Variants in CACNA1C observed in about 807,000 individuals in gnomAD.
The protein encoded by CACNA1C is voltage-dependent L-type calcium channel subunit alpha-1C.
In CACNA1C, 30 loss-of-function variants were observed where a neutral mutation model predicts 229.0. That is an observed-to-expected ratio of 0.13 (90% CI 0.10 to 0.18). The LOEUF is 0.18. Among genes scored for constraint, CACNA1C ranks in the 10% least tolerant of loss-of-function variants. The probability of loss-of-function intolerance (pLI) is 1.00; values close to 1 mark genes in which losing one functional copy is unlikely to be tolerated. For synonymous variants in CACNA1C, 1,114 were observed against 1,132.5 expected (o/e 0.98, Z 0.33); for missense variants, 1,658 against 2,845.0 (o/e 0.58, Z 9.49).
chr12:2,375,479 A>G (rs2098025063), intron 3 of CACNA1C, among the ~76,000 whole-genome samples: 2 of 152,180 alleles, frequency 1.3e-5, no homozygotes, highest in South Asian at 4.1e-4. Flanking sequence ...CTGAACACCA[A>G]GTGAAGGAGT....
At chr12:2,496,711 T>C (rs1027570882) in intron 7 of CACNA1C, among the ~76,000 whole-genome samples, 5 of 152,248 alleles carry the variant, frequency 3.3e-5, no homozygotes, top group Admixed American at 6.5e-5. Flanking sequence ...ATGCATTGCA[T>C]TGAGGCTCCA....
At chr12:2,338,855 C>T (rs138158107) in intron 3 of CACNA1C, among the ~76,000 whole-genome samples, 140 of 152,148 alleles carry the variant, frequency 9.2e-4, no homozygotes, top group African/African-American at 3.1e-3. Flanking sequence ...CAACACACCC[C>T]CAAGTTGAGC....
chr12:2,490,133 G>A (rs1049596149), intron 6 of CACNA1C, among the ~76,000 whole-genome samples: 6 of 152,260 alleles, frequency 3.9e-5, no homozygotes, highest in South Asian at 2.1e-4. Flanking sequence ...TGTTCAAATC[G>A]GATTTTAAAT....
intron 3 of CACNA1C, among the ~76,000 whole-genome samples, chr12:2,434,687 C>T (rs2099117300): frequency 6.6e-6 from 1 of 152,176 alleles, no homozygotes; most frequent in Admixed American, 6.5e-5. Flanking sequence ...CACTGGCCAG[C>T]CCACACTTTG....
At chr12:2,254,407 G>A (rs1009602604) in intron 3 of CACNA1C, among the ~76,000 whole-genome samples, 3 of 152,190 alleles carry the variant, frequency 2.0e-5, no homozygotes, top group African/African-American at 7.2e-5. Flanking sequence ...ACTCCAGTCT[G>A]TTGTTTTGAG....
intron 3 of CACNA1C, among the ~76,000 whole-genome samples, chr12:2,121,608 G>A (rs991866769): frequency 2.6e-5 from 4 of 152,218 alleles, no homozygotes; most frequent in African/African-American, 4.8e-5. Flanking sequence ...ACACCACTGA[G>A]TGATGGCATG....
At chr12:2,397,490 C>T (rs552468870) in intron 3 of CACNA1C, among the ~76,000 whole-genome samples, 5 of 152,212 alleles carry the variant, frequency 3.3e-5, no homozygotes, top group East Asian at 1.9e-4. Flanking sequence ...ACACACGTGC[C>T]GCGGAGGCGG....
chr12:2,682,060 G>T, intron 42 of CACNA1C: 1 of 1,517,092 alleles, frequency 6.6e-7, no homozygotes, highest in South Asian at 1.1e-5. Context: ...TCTAGGTGAG[G>T]CTTCCTCTCT....
rs1365657584 is a variant in CACNA1C, at chr12:2,691,398, G to A, written c.*199G>A. The stretch of plus-strand genomic sequence containing the variant: ...GCGCCCGGCTGCGTCTGCAGAGGCG[G>A]GGAGAGGAGGCGGCGAGGGTCCCGG... On this transcript the variant is annotated 3_prime_UTR_variant, in exon 47 of 47. Coordinates refer to ENST00000399655, the MANE Select transcript of CACNA1C (RefSeq NM_000719.7). 2 of 507,486 alleles carry A rather than the reference G, an allele frequency of 3.9e-6. No individual in the cohort carries two copies. Among genetic ancestry groups the A allele is most frequent in the Non-Finnish European group, 6.2e-6 (2 of 321,768 alleles). The allele number at this position is 507,486 out of a possible 1,614,324, so 31.4% of individuals were successfully genotyped here. A position where few individuals can be genotyped will look rare whatever the true frequency, so the allele number is the denominator to read the frequency against.
At chr12:2,224,503 C>CT (rs1801533431) in intron 3 of CACNA1C, among the ~76,000 whole-genome samples, 1 of 152,218 alleles carries the variant, frequency 6.6e-6, no homozygotes, top group African/African-American at 2.4e-5. Flanking sequence ...AGCCCCTGTT[C>CT]TGCTCCACCC....
At chr12:2,547,485 G>GGGAAGT (rs1436181859) in intron 9 of CACNA1C, 3 of 779,728 alleles carry the variant, frequency 3.8e-6, no homozygotes, top group Non-Finnish European at 7.2e-6. Context: ...TCAGAAGAAA[G>GGGAAGT]GGAAGTTTGC....
At chr12:2,031,763 A>G (rs979594074) in intron 1 of CACNA1C, among the ~76,000 whole-genome samples, 1 of 152,132 alleles carries the variant, frequency 6.6e-6, no homozygotes, top group African/African-American at 2.4e-5. Flanking sequence ...ACCATTTTGA[A>G]TGTAGATGGC....
chr12:2,459,112 A>T (rs1446917208), intron 5 of CACNA1C, among the ~76,000 whole-genome samples: 2 of 145,784 alleles, frequency 1.4e-5, no homozygotes, highest in Non-Finnish European at 3.0e-5. Flanking sequence ...CCTCCTGAGT[A>T]CCTGGGACTA....
intron 28 of CACNA1C, 138 bp downstream of exon 28, chr12:2,610,837 TTC>T: frequency 1.2e-6 from 1 of 854,346 alleles, no homozygotes; most frequent in Non-Finnish European, 1.9e-6. Context: ...AAGACGAGTG[TTC>T]TCTGTCAAGG....
At chr12:2,598,918 G>A (rs2070287961) in intron 21 of CACNA1C, among the ~76,000 whole-genome samples, 1 of 152,120 alleles carries the variant, frequency 6.6e-6, no homozygotes, top group Admixed American at 6.5e-5. Flanking sequence ...GTTCCTGGAG[G>A]TCGGGAGAGG....
chr12:2,498,148 AAT>A (rs1476453726), intron 7 of CACNA1C, among the ~76,000 whole-genome samples: 1 of 152,170 alleles, frequency 6.6e-6, no homozygotes, highest in Non-Finnish European at 1.5e-5. Context: ...TTCACTGCAG[AAT>A]ATAGAGTTGC....
rs561819497 is a variant in CACNA1C at position 2,559,057 on chromosome 12, G to A, written c.1508+2080G>A. On this transcript the variant is annotated intron_variant, in intron 11 of 46. Transcript: ENST00000399655. ...CCTAATAAATATTTGCTGGGTGAGT[G>A]AGTAATTAATAAATGAATGATCTTG... 7.1e-4 allele frequency among the ~76,000 whole-genome samples: 108 copies of A among 152,294 alleles called. 4 individuals are homozygous for A. The South Asian group carries it at 0.022, about 31-fold the overall frequency.
intron 9 of CACNA1C, among the ~76,000 whole-genome samples, chr12:2,525,125 C>T (rs2099816409): frequency 6.6e-6 from 1 of 152,110 alleles, no homozygotes; most frequent in African/African-American, 2.4e-5. Context: ...CAAAGGGCCT[C>T]GGAGTGGGAC....
chr12:2,218,415 G>A (rs780157623), intron 3 of CACNA1C, among the ~76,000 whole-genome samples: 5 of 152,220 alleles, frequency 3.3e-5, no homozygotes, highest in Non-Finnish European at 5.9e-5. Context: ...TTTGGATAGG[G>A]TGTGCTGGAA....
Sources: allele counts gnomAD v4.1 joint callset (sites outside exome capture counted in the v4.1 genomes callset), GRCh38; gene constraint gnomAD v4.1.1; transcripts MANE v1.5; gene names NCBI Gene and HGNC (gene_info 2026-07-23, HGNC 2026-07-21).